GRM7: variants seen among roughly 807,000 people sequenced by gnomAD.
The protein encoded by GRM7 is metabotropic glutamate receptor 7.
In GRM7, 35 loss-of-function variants were observed where a neutral mutation model predicts 84.5. The observed-to-expected ratio is 0.41, with a 90% CI of 0.32 to 0.55. GRM7 has a LOEUF of 0.55. Ranked by LOEUF, GRM7 falls within the 20% of genes least tolerant of loss-of-function variation. GRM7 has a pLI of 0.19. For synonymous variants in GRM7, 487 were observed against 455.1 expected (o/e 1.07, Z -0.89); for missense variants, 1,003 against 1,194.6 (o/e 0.84, Z 2.36).
intron 2 of GRM7, among the ~76,000 whole-genome samples, chr3:7,174,685 G>A (rs1695088080): frequency 6.6e-6 from 1 of 152,158 alleles, no homozygotes. Flanking sequence ...CTGGCAAATA[G>A]GAGAGGAGAT....
At chr3:6,870,220 G>A (rs1695077345) in intron 1 of GRM7, among the ~76,000 whole-genome samples, 1 of 152,172 alleles carries the variant, frequency 6.6e-6, no homozygotes, top group Non-Finnish European at 1.5e-5. Context: ...GGTAGTGCTA[G>A]GGGCTATAAG....
intron 2 of GRM7, among the ~76,000 whole-genome samples, chr3:7,159,960 A>G (rs527769939): frequency 5.3e-5 from 8 of 152,284 alleles, no homozygotes; most frequent in Admixed American, 1.3e-4. Context: ...GAAAAGCATT[A>G]CCCATGCTAT....
At chr3:7,126,539 C>T (rs1693407149) in intron 1 of GRM7, among the ~76,000 whole-genome samples, 1 of 152,142 alleles carries the variant, frequency 6.6e-6, no homozygotes, top group African/African-American at 2.4e-5. Flanking sequence ...AATGCCTAGG[C>T]ATTTTGCTTC....
intron 1 of GRM7, among the ~76,000 whole-genome samples, chr3:6,890,252 G>A (rs1201050004): frequency 6.6e-6 from 1 of 152,026 alleles, no homozygotes; most frequent in Non-Finnish European, 1.5e-5. Flanking sequence ...TCTGATTTTA[G>A]TTATTCCTTG....
chr3:6,962,193 T>A (rs1344692296), intron 1 of GRM7, among the ~76,000 whole-genome samples: 1 of 152,224 alleles, frequency 6.6e-6, no homozygotes, highest in Non-Finnish European at 1.5e-5. Context: ...TACTCCCACC[T>A]AAATTTAGGA....
chr3:7,369,258 T>C (rs1158472876), intron 4 of GRM7, among the ~76,000 whole-genome samples: 2 of 152,038 alleles, frequency 1.3e-5, no homozygotes, highest in Admixed American at 1.3e-4. Context: ...CTCATTATGT[T>C]TTCCAAGCTG....
intron 1 of GRM7, among the ~76,000 whole-genome samples, chr3:6,937,773 T>C (rs1697740595): frequency 6.6e-6 from 1 of 152,216 alleles, no homozygotes; most frequent in Admixed American, 6.5e-5. Context: ...GGAGGTGTAA[T>C]TTCTATTATC....
chr3:7,401,729 A>G (rs996092985), intron 4 of GRM7, among the ~76,000 whole-genome samples: 1 of 152,138 alleles, frequency 6.6e-6, no homozygotes, highest in Non-Finnish European at 1.5e-5. Context: ...AACTTCCATC[A>G]TTGCATCTCT....
At chr3:7,324,506 G>A (rs1700907666) in intron 4 of GRM7, among the ~76,000 whole-genome samples, 1 of 152,058 alleles carries the variant, frequency 6.6e-6, no homozygotes, top group Non-Finnish European at 1.5e-5. Flanking sequence ...AGCCTCTTAT[G>A]GCCTTTTCAG....
At chr3:7,014,715 C>T (rs369999269) in intron 1 of GRM7, among the ~76,000 whole-genome samples, 14 of 152,260 alleles carry the variant, frequency 9.2e-5, no homozygotes, top group African/African-American at 3.1e-4. Context: ...ATATCTGTCT[C>T]CTTGATTGTA....
chr3:7,000,681 T>C (rs1694983691), intron 1 of GRM7, among the ~76,000 whole-genome samples: 1 of 152,212 alleles, frequency 6.6e-6, no homozygotes, highest in Non-Finnish European at 1.5e-5. Flanking sequence ...TATGTCAGCA[T>C]GTGTGGACTG....
chr3:6,878,737 GA>G (rs1441262723), intron 1 of GRM7, among the ~76,000 whole-genome samples: 3 of 152,130 alleles, frequency 2.0e-5, no homozygotes, highest in African/African-American at 4.8e-5. Flanking sequence ...TAAGGCTCTA[GA>G]AACTATATTT....
intron 2 of GRM7, among the ~76,000 whole-genome samples, chr3:7,246,381 C>G (rs902787040): frequency 3.9e-5 from 6 of 151,998 alleles, no homozygotes; most frequent in Non-Finnish European, 5.9e-5. Context: ...TTGCAGGAGC[C>G]CTGGAAACTT....
chr3:7,561,418 T>C lies in GRM7; in HGVS notation c.1516-17004T>C, dbSNP rs74777566. ...TCTGTATTTTTATTGTTTAATACAG[T>C]GCATGGAACACAGAAGCTGCTCAGT... On this transcript the variant is annotated intron_variant, in intron 7 of 9. Coordinates refer to ENST00000357716, the MANE Select transcript of GRM7 (RefSeq NM_000844.4). The C allele has an allele frequency of 2.0e-5, 9 of 443,050 alleles. No individual in the cohort carries two copies. In the East Asian group the frequency reaches 3.5e-4, roughly 17 times the overall value. The allele number at this position is 443,050 out of a possible 1,614,324, so 27.4% of individuals were successfully genotyped here. A position where few individuals can be genotyped will look rare whatever the true frequency, so the allele number is the denominator to read the frequency against.
intron 6 of GRM7, among the ~76,000 whole-genome samples, chr3:7,458,792 G>A (rs186695990): frequency 4.3e-4 from 65 of 152,188 alleles, no homozygotes; most frequent in Non-Finnish European, 2.1e-4. Flanking sequence ...ATGAATAGAA[G>A]CTATAGAATT....
intron 1 of GRM7, among the ~76,000 whole-genome samples, chr3:7,134,514 C>T (rs1693710957): frequency 6.6e-6 from 1 of 152,032 alleles, no homozygotes; most frequent in Non-Finnish European, 1.5e-5. Context: ...AAAAAAGTTC[C>T]TTTCATCTAG....
intron 1 of GRM7, among the ~76,000 whole-genome samples, chr3:6,901,630 A>T (rs1696389612): frequency 7.0e-6 from 1 of 142,306 alleles, no homozygotes; most frequent in Non-Finnish European, 1.5e-5. Context: ...AAAAAAAAAA[A>T]AAAAAAATAT....
At chr3:7,502,243 T>G (rs373843293) in intron 7 of GRM7, among the ~76,000 whole-genome samples, 3 of 152,146 alleles carry the variant, frequency 2.0e-5, no homozygotes, top group Admixed American at 6.6e-5. Flanking sequence ...CAACAACAAC[T>G]CTTAAAAGGA....
chr3:7,640,546 T>C (rs1167616584), intron 8 of GRM7, among the ~76,000 whole-genome samples: 1 of 152,184 alleles, frequency 6.6e-6, no homozygotes, highest in Non-Finnish European at 1.5e-5. Context: ...GTGATCCATG[T>C]TGAAAATTTA....
Sources: allele counts gnomAD v4.1 joint callset (sites outside exome capture counted in the v4.1 genomes callset), GRCh38; gene constraint gnomAD v4.1.1; transcripts MANE v1.5; gene names NCBI Gene and HGNC (gene_info 2026-07-23, HGNC 2026-07-21).